Variants in HEG1 observed in about 807,000 individuals in gnomAD.
HEG1 encodes the protein protein HEG homolog 1.
In HEG1, 56 loss-of-function variants were observed where a neutral mutation model predicts 125.6. The observed-to-expected ratio is 0.45, with a 90% CI of 0.36 to 0.56. The LOEUF (loss-of-function observed/expected upper bound fraction) is 0.56. Ranked by LOEUF, HEG1 falls within the 20% of genes least tolerant of loss-of-function variation. HEG1 has a pLI of 0.00. For missense variants in HEG1, 1,523 were observed against 1,670.0 expected, an observed-to-expected ratio of 0.91 and a Z score of 1.53; for synonymous variants, 644 against 668.5, an observed-to-expected ratio of 0.96 and a Z score of 0.57.
intron 14 of HEG1, among the ~76,000 whole-genome samples, chr3:124,984,621 G>A (rs1475297595): frequency 1.3e-5 from 2 of 151,980 alleles, no homozygotes; most frequent in East Asian, 3.9e-4. Flanking sequence ...TTACCCAGGT[G>A]TGGTGGTGGG....
chr3:125,031,583 A>C (rs1042902467), intron 1 of HEG1, among the ~76,000 whole-genome samples: 36 of 152,122 alleles, frequency 2.4e-4, no homozygotes, highest in African/African-American at 8.7e-4. Flanking sequence ...ATTTATATGA[A>C]TCAAACAAAA....
intron 11 of HEG1, 135 bp from the exon 12 acceptor site, chr3:124,997,958 G>T: frequency 2.0e-6 from 2 of 1,000,526 alleles, no homozygotes; most frequent in Non-Finnish European, 2.8e-6. Context: ...TTTCCGAAAA[G>T]TCTCCACAGA....
At chr3:124,988,787 C>A (rs1936786122) in intron 14 of HEG1, among the ~76,000 whole-genome samples, 1 of 152,120 alleles carries the variant, frequency 6.6e-6, no homozygotes, top group South Asian at 2.1e-4. Flanking sequence ...TGTGGTGGTG[C>A]ACACCTGTTG....
Position 125,027,440 on chromosome 3 carries a change from T to G in HEG1, c.678A>C (p.Thr226=). The G allele has an allele frequency of 6.2e-7, 1 of 1,613,874 alleles. No individual in the cohort carries two copies. Among genetic ancestry groups the G allele is most frequent in the Non-Finnish European group, 8.5e-7 (1 of 1,179,854 alleles). ...EFDERIAAFQ[T]KSGTASEMGT... is the part of the protein sequence containing the mutation. ...CCATCTCCGAGGCTGTTCCACTCTT[T>G]GTTTGAAAAGCGGCAATTCTTTCAT... Residue 226 remains threonine (T), a synonymous_variant, in exon 3 of 17, where the codon ACA becomes ACC. Coordinates refer to ENST00000311127, the MANE Select transcript of HEG1 (RefSeq NM_020733.2).
At chr3:125,026,856 C>T (rs1221794715) in intron 3 of HEG1, among the ~76,000 whole-genome samples, 3 of 152,030 alleles carry the variant, frequency 2.0e-5, no homozygotes, top group African/African-American at 4.8e-5. Context: ...AAAAATTAGC[C>T]GGGCATGGTG....
chr3:125,005,187 C>G, intron 9 of HEG1, 78 bp downstream of exon 9: 2 of 832,948 alleles, frequency 2.4e-6, no homozygotes, highest in Non-Finnish European at 3.9e-6. Flanking sequence ...CAGCTGACCG[C>G]TAGGCAGTCC....
chr3:125,022,922 A>G (rs1334990517), intron 3 of HEG1, among the ~76,000 whole-genome samples: 1 of 152,142 alleles, frequency 6.6e-6, no homozygotes, highest in Non-Finnish European at 1.5e-5. Context: ...GGCCGGGTGC[A>G]GTGGCTCATG....
At chr3:124,989,861 G>A (rs1936800331) in intron 14 of HEG1, among the ~76,000 whole-genome samples, 2 of 152,168 alleles carry the variant, frequency 1.3e-5, no homozygotes, top group African/African-American at 4.8e-5. Context: ...CTGCCTGACA[G>A]TTATTGATTA....
chr3:124,987,563 C>A (rs1936757618), intron 14 of HEG1, among the ~76,000 whole-genome samples: 1 of 148,010 alleles, frequency 6.8e-6, no homozygotes, highest in Non-Finnish European at 1.5e-5. Flanking sequence ...CGCTGTGTCG[C>A]CCGGGCCAGA....
intron 7 of HEG1, among the ~76,000 whole-genome samples, chr3:125,010,133 A>G (rs1251964107): frequency 6.6e-6 from 1 of 152,216 alleles, no homozygotes; most frequent in Non-Finnish European, 1.5e-5. Flanking sequence ...ACTTTAATCA[A>G]TAGATTAGGG....
chr3:124,978,657 G>A (rs112748868), intron 14 of HEG1, among the ~76,000 whole-genome samples: 110 of 152,050 alleles, frequency 7.2e-4, no homozygotes, highest in African/African-American at 2.6e-3. Context: ...CACTTAAGAT[G>A]GATGCCTTTT....
At position 125,014,859 on chromosome 3, in the gene HEG1, T is replaced by C. The variant is rs548733199; in HGVS notation, c.1589-869A>G. 83 of 1,289,828 alleles carry C rather than the reference T, an allele frequency of 6.4e-5. No individual in the cohort carries two copies. In the Admixed American group the frequency reaches 1.5e-3, roughly 23 times the overall value. The allele number at this position is 1,289,828 out of a possible 1,614,324, so 79.9% of individuals were successfully genotyped here. ...CCCAGAAGTCGTGCTCATGCTGGTG[T>C]TGGTGAGGGTGACAGACCGCAGTGT... On this transcript the variant is annotated intron_variant, in intron 5 of 16. Coordinates refer to ENST00000311127, the MANE Select transcript of HEG1 (RefSeq NM_020733.2).
At chr3:125,019,120 G>A (rs1447437024) in intron 5 of HEG1, 142 bp downstream of exon 5, 10 of 650,592 alleles carry the variant, frequency 1.5e-5, no homozygotes, top group South Asian at 7.9e-5. Flanking sequence ...CACCCACCTC[G>A]GCCTCCCAAA....
chr3:124,993,514 C>T (rs946221533), intron 12 of HEG1, among the ~76,000 whole-genome samples: 1 of 152,136 alleles, frequency 6.6e-6, no homozygotes, highest in Non-Finnish European at 1.5e-5. Flanking sequence ...CCTGTGTATG[C>T]CTCTGCTTCA....
At position 125,054,654 on chromosome 3, in the gene HEG1, C is replaced by T. The variant is rs536197113; in HGVS notation, c.316+921G>A. ...ATGCCCTGTGTCACTCACAGGAAGG[C>T]AAAGGCTAACACCACCACGTTGCTG... On this transcript the variant is annotated intron_variant, in intron 1 of 16. Transcript: ENST00000311127. Among the ~76,000 whole-genome samples the T allele has an allele frequency of 2.0e-5, 3 of 152,328 alleles. No homozygotes were observed. In the East Asian group the frequency reaches 5.8e-4, roughly 29 times the overall value.
At chr3:124,991,602 G>T (rs193106006) in intron 12 of HEG1, among the ~76,000 whole-genome samples, 88 of 152,190 alleles carry the variant, frequency 5.8e-4, no homozygotes, top group Non-Finnish European at 1.0e-3. Context: ...ACTAAATCAG[G>T]GTTTTGTAGT....
In HEG1 at chr3:125,013,621, G is replaced by A. The variant is rs769106143; in HGVS notation, c.1958C>T (p.Ala653Val). The A allele has an allele frequency of 1.2e-6, 2 of 1,608,046 alleles. No homozygotes were observed. The highest frequency in any genetic ancestry group is 2.2e-5 in the East Asian group (1 of 44,710). The change falls in exon 6 of 17, where the codon GCT becomes GTT. Residue 653 changes from alanine (A) to valine (V), a missense_variant. Transcript: ENST00000311127. The stretch of plus-strand genomic sequence containing the variant: ...GGAGGAGGAGTCACTAACAAACTCA[G>A]CATCAGTGTCCAGAACAACCGAAGT... ...PNTSVVLDTD[A>V]EFVSDSSSSS...
chr3:125,017,750 G>A lies in HEG1; in HGVS notation c.1588+1512C>T, dbSNP rs565495384. ...AATTGAAAATTTATGGCCAGGCATG[G>A]TGGCTCATGCCTGCAATCCCAGCAC... On this transcript the variant is annotated intron_variant, in intron 5 of 16. Coordinates refer to ENST00000311127, the MANE Select transcript of HEG1 (RefSeq NM_020733.2). 3.3e-5 allele frequency among the ~76,000 whole-genome samples: 5 copies of A among 152,204 alleles called. No individual in the cohort carries two copies. The East Asian group carries it at 9.6e-4, about 29-fold the overall frequency.
intron 6 of HEG1, among the ~76,000 whole-genome samples, chr3:125,011,173 A>G (rs1937152781): frequency 6.6e-6 from 1 of 152,196 alleles, no homozygotes; most frequent in South Asian, 2.1e-4. Context: ...AGCCTACAAC[A>G]TAACTGCATT....
Sources: gnomAD v4.1 joint callset for allele counts (sites outside exome capture counted in the v4.1 genomes callset) on GRCh38, gnomAD v4.1.1 for gene constraint, MANE v1.5 for transcripts, NCBI Gene and HGNC (gene_info 2026-07-23, HGNC 2026-07-21) for gene names.